The following SAMTOR variants were observed in gnomAD, a reference collection of about 807,000 sequenced individuals.
The protein encoded by SAMTOR is UPF0532 protein C7orf60.
the SAMTOR span, among the ~76,000 whole-genome samples, chr7:112,842,522 T>C: frequency 3.9e-5 from 6 of 151,996 alleles, no homozygotes; most frequent in Non-Finnish European, 7.4e-5. Context: ...AGAAGATTTA[T>C]CCATCATTTT....
chr7:112,862,626 G>A, the SAMTOR span, among the ~76,000 whole-genome samples: 1 of 152,124 alleles, frequency 6.6e-6, no homozygotes, highest in Non-Finnish European at 1.5e-5. Context: ...AGAATTAATG[G>A]TTTTAGAATT....
the SAMTOR span, among the ~76,000 whole-genome samples, chr7:112,848,628 G>T: frequency 2.6e-5 from 4 of 152,174 alleles, no homozygotes; most frequent in Non-Finnish European, 5.9e-5. Flanking sequence ...GAGAGTAAAG[G>T]AGAAGACTAT....
the SAMTOR span, among the ~76,000 whole-genome samples, chr7:112,921,079 A>C: frequency 2.0e-5 from 3 of 152,326 alleles, no homozygotes; most frequent in South Asian, 6.2e-4. Context: ...CTTCCTTCAC[A>C]GAATTGGAAA....
chr7:112,918,707 C>A, the SAMTOR span, among the ~76,000 whole-genome samples: 2 of 152,156 alleles, frequency 1.3e-5, no homozygotes, highest in Non-Finnish European at 2.9e-5. Context: ...AAACCCATCT[C>A]ACGTGCAGAG....
chr7:112,901,351 T>C, the SAMTOR span, among the ~76,000 whole-genome samples: 2 of 152,206 alleles, frequency 1.3e-5, no homozygotes, highest in African/African-American at 2.4e-5. Flanking sequence ...GAAATGTGCA[T>C]GTGAGGGATC....
At chr7:112,824,788 T>TG in the SAMTOR span, among the ~76,000 whole-genome samples, 1 of 152,166 alleles carries the variant, frequency 6.6e-6, no homozygotes, top group Non-Finnish European at 1.5e-5. Context: ...ATCACGTACG[T>TG]AAGTTTGGGC....
chr7:112,864,257 AG>A, the SAMTOR span, among the ~76,000 whole-genome samples: 3 of 152,160 alleles, frequency 2.0e-5, no homozygotes, highest in Non-Finnish European at 4.4e-5. Context: ...GAAAATGGAG[AG>A]GATCAAGAAA....
At chr7:112,917,342 T>C in the SAMTOR span, among the ~76,000 whole-genome samples, 1 of 152,250 alleles carries the variant, frequency 6.6e-6, no homozygotes, top group African/African-American at 2.4e-5. Context: ...AAACAGGGTC[T>C]GGAGTGGACC....
At chr7:112,828,529 C>G in the SAMTOR span, among the ~76,000 whole-genome samples, 1,624 of 152,178 alleles carry the variant, frequency 0.011, 30 homozygotes, top group African/African-American at 0.037. Flanking sequence ...CTGTAATCAC[C>G]CCTGTTTAAT....
the SAMTOR span, among the ~76,000 whole-genome samples, chr7:112,888,695 A>C: frequency 6.6e-6 from 1 of 152,158 alleles, no homozygotes; most frequent in African/African-American, 2.4e-5. Flanking sequence ...AAATGGCTTG[A>C]AAGATATTTG....
the SAMTOR span, among the ~76,000 whole-genome samples, chr7:112,822,872 T>C: frequency 6.6e-6 from 1 of 152,136 alleles, no homozygotes; most frequent in South Asian, 2.1e-4. Context: ...ACTGTTAACT[T>C]TAACCATTTA....
At chr7:112,826,709 T>C in the SAMTOR span, among the ~76,000 whole-genome samples, 1 of 152,156 alleles carries the variant, frequency 6.6e-6, no homozygotes, top group Non-Finnish European at 1.5e-5. Flanking sequence ...TGTCATTGCT[T>C]TGAGACTGTT....
the SAMTOR span, among the ~76,000 whole-genome samples, chr7:112,865,499 A>G: frequency 2.0e-5 from 3 of 151,800 alleles, no homozygotes; most frequent in South Asian, 4.1e-4. Context: ...GATGGTCTCA[A>G]TCTCCTGAAC....
the SAMTOR span, chr7:112,819,468 T>C: frequency 6.6e-6 from 1 of 152,230 alleles, no homozygotes. Flanking sequence ...ATTACATACA[T>C]GATCTGGCAT....
the SAMTOR span, among the ~76,000 whole-genome samples, chr7:112,909,188 T>C: frequency 1.3e-5 from 2 of 152,176 alleles, no homozygotes; most frequent in East Asian, 1.9e-4. Context: ...AGTGGAGAAG[T>C]TGAATTATGA....
the SAMTOR span, among the ~76,000 whole-genome samples, chr7:112,899,185 C>CA: frequency 2.0e-5 from 3 of 151,252 alleles, no homozygotes; most frequent in Admixed American, 1.3e-4. Context: ...CAATGAACTT[C>CA]AAAAAAACAG....
the SAMTOR span, among the ~76,000 whole-genome samples, chr7:112,896,600 T>A: frequency 6.6e-6 from 1 of 152,206 alleles, no homozygotes; most frequent in Non-Finnish European, 1.5e-5. Flanking sequence ...TTATTCAGCA[T>A]GAATTAAACA....
At chr7:112,879,753 A>G in the SAMTOR span, among the ~76,000 whole-genome samples, 1 of 152,176 alleles carries the variant, frequency 6.6e-6, no homozygotes, top group African/African-American at 2.4e-5. Flanking sequence ...AACCTGTAGA[A>G]CATACATCTG....
At chr7:112,884,325 T>G in the SAMTOR span, among the ~76,000 whole-genome samples, 1 of 152,138 alleles carries the variant, frequency 6.6e-6, no homozygotes, top group African/African-American at 2.4e-5. Flanking sequence ...TTCCCTACAG[T>G]TCCTCGAAGT....
Sources: allele counts gnomAD v4.1 joint callset (sites outside exome capture counted in the v4.1 genomes callset), GRCh38; gene constraint gnomAD v4.1.1; transcripts MANE v1.5; gene names NCBI Gene and HGNC (gene_info 2026-07-23, HGNC 2026-07-21).